OPRM1: variants seen among roughly 807,000 people sequenced by gnomAD.
OPRM1 encodes mu-type opioid receptor.
In OPRM1, 27 loss-of-function variants were observed where a neutral mutation model predicts 31.8. That is an observed-to-expected ratio of 0.85 (90% confidence interval 0.63 to 1.17). The LOEUF is 1.17. Among genes scored for constraint, OPRM1 ranks in the 50% most tolerant of loss-of-function variants. OPRM1 has a pLI of 0.00. For missense variants in OPRM1, 536 were observed against 511.1 expected, an observed-to-expected ratio of 1.05 and a Z score of -0.47; for synonymous variants, 196 against 189.9, an observed-to-expected ratio of 1.03 and a Z score of -0.26.
At chr6:154,245,067 T>C (rs1381230478) in intron 3 of OPRM1, among the ~76,000 whole-genome samples, 5 of 152,202 alleles carry the variant, frequency 3.3e-5, no homozygotes, top group Admixed American at 6.5e-5. Flanking sequence ...GAAGCTGTAT[T>C]TGTTTAGGAA....
intron 1 of OPRM1, among the ~76,000 whole-genome samples, chr6:154,022,932 C>A (rs1209202518): frequency 1.3e-5 from 2 of 152,132 alleles, no homozygotes; most frequent in Non-Finnish European, 2.9e-5. Context: ...ATGCCAGTAC[C>A]ACACTGTTTT....
chr6:154,108,897 GAAAAATTTTAGTCCAAA>G, intron 3 of OPRM1: 1 of 985,018 alleles, frequency 1.0e-6, no homozygotes, highest in Non-Finnish European at 1.2e-6. Flanking sequence ...AGTTACTAGA[GAAAAATTTTAGTCCAAA>G]AATCCAACTA....
chr6:154,228,208 G>A (rs1231573510), intron 3 of OPRM1, among the ~76,000 whole-genome samples: 2 of 151,952 alleles, frequency 1.3e-5, no homozygotes, highest in African/African-American at 2.4e-5. Context: ...GCTCACGCCT[G>A]TAATCCCAGC....
intron 1 of OPRM1, among the ~76,000 whole-genome samples, chr6:154,015,788 G>T (rs998329652): frequency 6.6e-6 from 1 of 151,490 alleles, no homozygotes; most frequent in East Asian, 1.9e-4. Context: ...AGAAAAAACA[G>T]ACCCTATTTT....
chr6:154,203,495 C>T (rs1777240101), intron 3 of OPRM1, among the ~76,000 whole-genome samples: 1 of 152,108 alleles, frequency 6.6e-6, no homozygotes, highest in Non-Finnish European at 1.5e-5. Context: ...ATTCCAAATC[C>T]ATGACTAAAT....
downstream of OPRM1, among the ~76,000 whole-genome samples, chr6:154,136,708 A>T (rs1798069692): frequency 2.0e-5 from 3 of 152,096 alleles, no homozygotes; most frequent in Non-Finnish European, 4.4e-5. Context: ...CTTTACTTCA[A>T]ATACATGGGG....
intron 3 of OPRM1, among the ~76,000 whole-genome samples, chr6:154,107,210 C>G (rs1426700437): frequency 6.6e-6 from 1 of 152,190 alleles, no homozygotes; most frequent in Non-Finnish European, 1.5e-5. Flanking sequence ...CTGGTGCCTC[C>G]TGTTTTTCCC....
chr6:154,191,815 T>A (rs1377755768), intron 3 of OPRM1, among the ~76,000 whole-genome samples: 1 of 152,162 alleles, frequency 6.6e-6, no homozygotes, highest in Non-Finnish European at 1.5e-5. Flanking sequence ...GTGTTAATAA[T>A]AGAGGAAATT....
chr6:154,010,845 A>G, exon 1 of OPRM1: 1 of 1,353,564 alleles, frequency 7.4e-7, no homozygotes, highest in Non-Finnish European at 9.6e-7. Context: ...CTGTAATTGC[A>G]GCCCCTTGTT....
chr6:154,197,458 G>C (rs1042793593), intron 3 of OPRM1, among the ~76,000 whole-genome samples: 9 of 152,144 alleles, frequency 5.9e-5, no homozygotes, highest in African/African-American at 2.2e-4. Context: ...TATGAGAACT[G>C]CCAACAAATC....
intron 3 of OPRM1, among the ~76,000 whole-genome samples, chr6:154,149,731 A>G (rs1197624715): frequency 6.6e-6 from 1 of 152,132 alleles, no homozygotes; most frequent in African/African-American, 2.4e-5. Context: ...AGATCTTCCA[A>G]GATCCATATG....
chr6:154,242,255 C>A (rs926452687), intron 3 of OPRM1, among the ~76,000 whole-genome samples: 1 of 152,082 alleles, frequency 6.6e-6, no homozygotes, highest in Admixed American at 6.5e-5. Flanking sequence ...CTAATCGGAA[C>A]CTTGGGGCCT....
intron 1 of OPRM1, among the ~76,000 whole-genome samples, chr6:154,028,551 G>A (rs1778832090): frequency 6.6e-6 from 1 of 152,110 alleles, no homozygotes; most frequent in African/African-American, 2.4e-5. Flanking sequence ...AGTCCTTGTG[G>A]CCTAGATAGT....
At chr6:154,160,414 A>G (rs1798914092) in intron 3 of OPRM1, among the ~76,000 whole-genome samples, 1 of 152,200 alleles carries the variant, frequency 6.6e-6, no homozygotes, top group Non-Finnish European at 1.5e-5. Flanking sequence ...TCCAAACTTC[A>G]CTAAGTAAAA....
At chr6:154,098,024 G>A (rs1426254132) in intron 3 of OPRM1, among the ~76,000 whole-genome samples, 1 of 152,146 alleles carries the variant, frequency 6.6e-6, no homozygotes, top group Non-Finnish European at 1.5e-5. Flanking sequence ...GAGGCCAGGT[G>A]TTCGAGACCA....
At chr6:154,044,377 A>G (rs1780685476) in intron 1 of OPRM1, among the ~76,000 whole-genome samples, 1 of 152,198 alleles carries the variant, frequency 6.6e-6, no homozygotes, top group African/African-American at 2.4e-5. Context: ...AAGCTTAAAC[A>G]CATAATTTCC....
intron 3 of OPRM1, among the ~76,000 whole-genome samples, chr6:154,160,700 T>C (rs1798938449): frequency 6.6e-6 from 1 of 152,184 alleles, no homozygotes; most frequent in Non-Finnish European, 1.5e-5. Flanking sequence ...TAGAGTTTTC[T>C]ATAGACAAGG....
chr6:154,236,624 T>G (rs79883844), intron 3 of OPRM1, among the ~76,000 whole-genome samples: 2,389 of 152,332 alleles, frequency 0.016, 71 homozygotes, highest in African/African-American at 0.054. Flanking sequence ...AAATGCATTT[T>G]CCAAGGTAAG....
intron 3 of OPRM1, among the ~76,000 whole-genome samples, chr6:154,144,678 G>T (rs1304554607): frequency 6.7e-6 from 1 of 150,252 alleles, no homozygotes; most frequent in African/African-American, 2.5e-5. Context: ...AACTCAGGAG[G>T]TGTAGGTTGC....
Sources: gnomAD v4.1 joint callset for allele counts (sites outside exome capture counted in the v4.1 genomes callset) on GRCh38, gnomAD v4.1.1 for gene constraint, MANE v1.5 for transcripts, NCBI Gene and HGNC (gene_info 2026-07-23, HGNC 2026-07-21) for gene names.